The following CHTOP variants were observed in gnomAD, a reference collection of about 807,000 sequenced individuals.
CHTOP encodes the protein chromatin target of PRMT1, also known as chromatin target of PRMT1 protein.
CHTOP carries 18 observed loss-of-function variants against 33.6 expected under a neutral mutation model. The ratio of observed to expected loss-of-function variants is 0.54; its 90% confidence interval spans 0.37 to 0.80. The LOEUF is 0.80. Ranked by LOEUF, CHTOP falls within the 30% of genes least tolerant of loss-of-function variation. The pLI, the probability that CHTOP is intolerant of heterozygous loss-of-function variation, is 0.00. For missense variants in CHTOP, 263 were observed against 336.8 expected (o/e 0.78, Z 1.71); for synonymous variants, 117 against 127.7 (o/e 0.92, Z 0.56).
At chr1:153,638,882 C>CT (rs34440523) in intron 3 of CHTOP, among the ~76,000 whole-genome samples, 269 of 142,590 alleles carry the variant, frequency 1.9e-3, no homozygotes, top group African/African-American at 5.7e-3. Context: ...CAAAGGTTTT[C>CT]TTTTTTTTTT....
chr1:153,638,523 G>T, intron 3 of CHTOP, 75 bp downstream of exon 3: 1 of 1,542,930 alleles, frequency 6.5e-7, no homozygotes, highest in East Asian at 2.3e-5. Context: ...CTGTCAGGAC[G>T]TGATGGATGA....
intron 3 of CHTOP, chr1:153,639,369 A>G (rs540616131): frequency 3.1e-6 from 3 of 959,438 alleles, no homozygotes; most frequent in Non-Finnish European, 2.5e-6. Flanking sequence ...TATTCATAGA[A>G]TTTATATGCA....
At chr1:153,637,912 C>T in intron 2 of CHTOP, 1 of 204,538 alleles carries the variant, frequency 4.9e-6, no homozygotes, top group South Asian at 8.1e-5. Context: ...CTAATCCTTC[C>T]TCATATTTGG....
chr1:153,636,538 G>A, intron 1 of CHTOP, 34 bp from the exon 2 acceptor site: 1 of 1,550,414 alleles, frequency 6.4e-7, no homozygotes, highest in Non-Finnish European at 8.9e-7. Flanking sequence ...TGTCACTATT[G>A]TGATTTGCTC....
At chr1:153,638,950 G>C (rs10158761) in intron 3 of CHTOP, among the ~76,000 whole-genome samples, 1 of 150,660 alleles carries the variant, frequency 6.6e-6, no homozygotes, top group Non-Finnish European at 1.5e-5. Context: ...GCACGATCTC[G>C]GCTCACTGCA....
At chr1:153,643,817 GGCTCTGAAACCAAAT>G in intron 5 of CHTOP, 1 of 152,820 alleles carries the variant, frequency 6.5e-6, no homozygotes, top group Middle Eastern at 3.4e-3. Context: ...GCTGGGCATT[GGCTCTGAAACCAAAT>G]AAATTCAATG....
Position 153,642,448 on chromosome 1 carries a change from G to C in CHTOP, c.403+19G>C. 2 of 1,573,780 alleles carry C rather than the reference G, an allele frequency of 1.3e-6. No individual in the cohort carries two copies. Among genetic ancestry groups the C allele is most frequent in the South Asian group, 2.3e-5 (2 of 86,396 alleles). On this transcript the variant is annotated intron_variant, in intron 4 of 5. Transcript: ENST00000368694. ...CTCCGAGGTCAGTGCTGTGTACCCT[G>C]ATAATTGTCGGGCCCTACTCCCTTC... is the stretch of plus-strand genomic sequence containing the variant.
chr1:153,636,088 ATTTT>A (rs71093280), intron 1 of CHTOP, among the ~76,000 whole-genome samples: 1 of 138,694 alleles, frequency 7.2e-6, no homozygotes, highest in Non-Finnish European at 1.6e-5. Flanking sequence ...TGCACCGCTA[ATTTT>A]TTTTTTTTTT....
At chr1:153,641,089 C>T (rs1379869784) in intron 3 of CHTOP, among the ~76,000 whole-genome samples, 1 of 152,200 alleles carries the variant, frequency 6.6e-6, no homozygotes, top group Non-Finnish European at 1.5e-5. Flanking sequence ...GTTACACCTA[C>T]TTATGCTAGA....
intron 5 of CHTOP, 40 bp from the exon 6 acceptor site, chr1:153,645,023 TG>T: frequency 6.3e-7 from 1 of 1,582,466 alleles, no homozygotes; most frequent in Non-Finnish European, 8.6e-7. Context: ...TAAACTTACT[TG>T]TAACTGTCTC....
Position 153,634,252 on chromosome 1 carries a change from T to G in CHTOP, c.-109T>G, listed in dbSNP as rs2101669831. 6.6e-6 allele frequency: 1 copy of G among 152,662 alleles called. No homozygotes were observed. The highest frequency in any genetic ancestry group is 2.1e-4 in the South Asian group (1 of 4,822). 9.5% of individuals were successfully genotyped at this position (152,662 alleles called of 1,614,324 possible). Reference sequence around the variant, plus strand: ...CGCCCATCTAGCTAACCCGAGCCCCTCCACCGTCAACTCAGGTTCGGCCGG... The same window carrying G: ...CGCCCATCTAGCTAACCCGAGCCCCGCCACCGTCAACTCAGGTTCGGCCGG... On this transcript the variant is annotated 5_prime_UTR_variant, in exon 1 of 6. Coordinates refer to ENST00000368694, the MANE Select transcript of CHTOP (RefSeq NM_015607.4).
At chr1:153,641,143 T>A (rs1668607840) in intron 3 of CHTOP, among the ~76,000 whole-genome samples, 1 of 152,262 alleles carries the variant, frequency 6.6e-6, no homozygotes, top group Non-Finnish European at 1.5e-5. Context: ...AAGCAATTTA[T>A]GATCTTGTGC....
chr1:153,643,566 A>G (rs1024667385), intron 5 of CHTOP: 13 of 495,838 alleles, frequency 2.6e-5, no homozygotes, highest in Admixed American at 3.9e-5. Flanking sequence ...AATCAAGTGC[A>G]TATTATAGAG....
chr1:153,643,917 A>G (rs1668714278), intron 5 of CHTOP: 2 of 152,288 alleles, frequency 1.3e-5, no homozygotes, highest in South Asian at 4.1e-4. Context: ...AATTATTATC[A>G]GTTAACTAAC....
At chr1:153,635,343 G>A (rs930787870) in intron 1 of CHTOP, among the ~76,000 whole-genome samples, 2 of 148,386 alleles carry the variant, frequency 1.3e-5, no homozygotes, top group African/African-American at 5.0e-5. Context: ...ATAGAAACGG[G>A]GTCTTACCAT....
chr1:153,641,877 CA>C (rs1344508586), intron 3 of CHTOP, among the ~76,000 whole-genome samples: 4 of 152,310 alleles, frequency 2.6e-5, no homozygotes, highest in East Asian at 3.9e-4. Context: ...ATATAATTGT[CA>C]ACCTGTAGTT....
intron 1 of CHTOP, among the ~76,000 whole-genome samples, chr1:153,634,801 T>G (rs1310733644): frequency 6.6e-6 from 1 of 151,542 alleles, no homozygotes; most frequent in Non-Finnish European, 1.5e-5. Flanking sequence ...GAAAGCCACT[T>G]TTGAAACTAG....
chr1:153,635,642 GA>G (rs1668354052), intron 1 of CHTOP, among the ~76,000 whole-genome samples: 1 of 151,862 alleles, frequency 6.6e-6, no homozygotes, highest in African/African-American at 2.4e-5. Context: ...CCAACGTGGA[GA>G]AACCCCGTCT....
rs746697100 is a variant in CHTOP, at chr1:153,642,326, C to T, written c.300C>T (p.Ile100=). ...TAGGGGCCCTGGCCAGGGGAGCAAT[C>T]GGAGGACGAGGCCTACCCATAATCC... ...RPIGALARGA[I]GGRGLPIIQR... The change falls in exon 4 of 6, where the codon ATC becomes ATT. Residue 100 remains isoleucine (I), a synonymous_variant. Transcript: ENST00000368694. The T allele has an allele frequency of 5.6e-6, 9 of 1,614,158 alleles. 1 individual carries two copies. The highest frequency in any genetic ancestry group is 2.2e-5 in the South Asian group (2 of 91,080).
Sources: allele counts gnomAD v4.1 joint callset (sites outside exome capture counted in the v4.1 genomes callset), GRCh38; gene constraint gnomAD v4.1.1; transcripts MANE v1.5; gene names NCBI Gene and HGNC (gene_info 2026-07-23, HGNC 2026-07-21).